The following CSMD1 variants were observed in gnomAD, a reference collection of about 807,000 sequenced individuals.
CSMD1 encodes CUB and sushi domain-containing protein 1.
Under a neutral mutation model 417.5 loss-of-function variants are expected in CSMD1, and 213 were observed. The observed-to-expected ratio is 0.51, with a 90% CI of 0.46 to 0.57. CSMD1 has a LOEUF of 0.57. CSMD1 is among the 20% of genes least tolerant of loss of function. CSMD1 has a pLI of 0.00. For synonymous variants in CSMD1, 2,862 were observed against 1,736.8 expected, an observed-to-expected ratio of 1.65 and a Z score of -16.11; for missense variants, 6,923 against 4,529.7, an observed-to-expected ratio of 1.53 and a Z score of -15.17.
rs1001397145 is a variant in CSMD1, at chr8:4,468,056, G to A, written c.303-47991C>T. On this transcript the variant is annotated intron_variant, in intron 2 of 69. Coordinates refer to ENST00000635120, the MANE Select transcript of CSMD1 (RefSeq NM_033225.6). Reference sequence around the variant, plus strand: ...GGTTACTCAACAGGCCCTGCCTCCTGTCCGTCCCTGTCTTCTGAAATTGAT... The same window carrying A: ...GGTTACTCAACAGGCCCTGCCTCCTATCCGTCCCTGTCTTCTGAAATTGAT... Among the ~76,000 whole-genome samples the A allele has an allele frequency of 8.7e-4, 108 of 124,286 alleles. 1 individual carries two copies. Among genetic ancestry groups the A allele is most frequent in the African/African-American group, 3.9e-3 (107 of 27,688 alleles). 81.5% of individuals were successfully genotyped at this position (124,286 alleles called of 152,430 possible).
chr8:4,282,839 G>A (rs1796861319), intron 3 of CSMD1, among the ~76,000 whole-genome samples: 1 of 152,060 alleles, frequency 6.6e-6, no homozygotes, highest in Non-Finnish European at 1.5e-5. Flanking sequence ...GCATCATTCA[G>A]AATCTGACAA....
intron 5 of CSMD1, among the ~76,000 whole-genome samples, chr8:3,884,248 G>T (rs571045942): frequency 1.3e-5 from 2 of 152,058 alleles, no homozygotes; most frequent in Non-Finnish European, 2.9e-5. Flanking sequence ...GCCTCTAATG[G>T]CAAGTCTAAC....
At chr8:3,910,458 G>C (rs905532435) in intron 5 of CSMD1, among the ~76,000 whole-genome samples, 1 of 152,058 alleles carries the variant, frequency 6.6e-6, no homozygotes, top group African/African-American at 2.4e-5. Context: ...AAGTGTTCAG[G>C]TTTTATTTTG....
chr8:4,805,469 G>A (rs73181505), intron 1 of CSMD1, among the ~76,000 whole-genome samples: 2 of 151,952 alleles, frequency 1.3e-5, no homozygotes, highest in Non-Finnish European at 2.9e-5. Flanking sequence ...AGAAGCCTGC[G>A]TCGAGAAGTC....
chr8:3,223,915 C>T lies in CSMD1; in HGVS notation c.4346-48G>A, dbSNP rs374775437. On this transcript the variant is annotated intron_variant, in intron 27 of 69. Transcript: ENST00000635120. ...GAGAAAAAGTAAGGACAGCGAAGAA[C>T]GCCTGCCAGTCAGTGTGGAAGGAGA... The T allele has an allele frequency of 3.0e-4, 480 of 1,596,534 alleles. 5 individuals are homozygous for T. The South Asian group carries it at 3.9e-3, about 13-fold the overall frequency.
intron 1 of CSMD1, among the ~76,000 whole-genome samples, chr8:4,926,693 G>A (rs1009029889): frequency 6.6e-6 from 1 of 151,614 alleles, no homozygotes; most frequent in Non-Finnish European, 1.5e-5. Flanking sequence ...TTTTTTTTCG[G>A]TCAGTTAATA....
chr8:4,491,564 A>AC (rs139479307), intron 2 of CSMD1, among the ~76,000 whole-genome samples: 17,973 of 152,158 alleles, frequency 0.12, 1,280 homozygotes, highest in East Asian at 0.22. Context: ...GCAATGTTTA[A>AC]AAAAAGTGGG....
intron 1 of CSMD1, among the ~76,000 whole-genome samples, chr8:4,759,485 T>C (rs935606592): frequency 1.2e-4 from 18 of 152,304 alleles, no homozygotes; most frequent in African/African-American, 3.8e-4. Flanking sequence ...GCATGCTGGT[T>C]TGCTGCACCT....
chr8:4,686,968 G>A (rs568277413), intron 1 of CSMD1, among the ~76,000 whole-genome samples: 4 of 152,278 alleles, frequency 2.6e-5, no homozygotes, highest in South Asian at 4.1e-4. Flanking sequence ...AGTCCTGAAC[G>A]GCACACAGGG....
At chr8:3,561,657 T>C (rs529019156) in intron 10 of CSMD1, among the ~76,000 whole-genome samples, 8 of 152,174 alleles carry the variant, frequency 5.3e-5, no homozygotes, top group East Asian at 1.9e-4. Context: ...AGCTTAAGAA[T>C]TGCACATTGG....
chr8:4,966,166 C>T (rs1164910296), intron 1 of CSMD1, among the ~76,000 whole-genome samples: 1 of 145,270 alleles, frequency 6.9e-6, no homozygotes, highest in East Asian at 2.1e-4. Context: ...GAGTTCCAGA[C>T]CAGCTTGGCT....
chr8:2,980,368 T>C (rs1459417189), intron 54 of CSMD1, among the ~76,000 whole-genome samples: 2 of 151,176 alleles, frequency 1.3e-5, no homozygotes, highest in African/African-American at 4.9e-5. Context: ...CTCTGTGTCC[T>C]TTCTTCCTCC....
chr8:4,721,433 A>C (rs1809044909), intron 1 of CSMD1, among the ~76,000 whole-genome samples: 1 of 152,234 alleles, frequency 6.6e-6, no homozygotes, highest in Non-Finnish European at 1.5e-5. Context: ...TCAGATTCTG[A>C]ACAATTTGAA....
intron 3 of CSMD1, among the ~76,000 whole-genome samples, chr8:4,205,053 C>G (rs990960485): frequency 1.3e-5 from 2 of 151,982 alleles, no homozygotes; most frequent in Non-Finnish European, 2.9e-5. Context: ...CTATTTTTTT[C>G]ATAACAATGC....
At chr8:3,503,796 C>G (rs1021379595) in intron 10 of CSMD1, among the ~76,000 whole-genome samples, 2 of 151,966 alleles carry the variant, frequency 1.3e-5, no homozygotes, top group Admixed American at 6.6e-5. Context: ...AGCAGCCCCC[C>G]TCTTTCCTTG....
chr8:3,513,599 T>G (rs966504843), intron 10 of CSMD1, among the ~76,000 whole-genome samples: 1 of 152,180 alleles, frequency 6.6e-6, no homozygotes, highest in African/African-American at 2.4e-5. Context: ...TCCTACGCAA[T>G]GCCCCAGAAA....
chr8:4,567,616 A>G (rs548142559), intron 2 of CSMD1, among the ~76,000 whole-genome samples: 2 of 152,260 alleles, frequency 1.3e-5, no homozygotes, highest in South Asian at 2.1e-4. Context: ...GCTCTGTGCA[A>G]TTATTATGAG....
intron 6 of CSMD1, among the ~76,000 whole-genome samples, chr8:3,723,280 C>T (rs1318494360): frequency 6.6e-6 from 1 of 152,146 alleles, no homozygotes; most frequent in Non-Finnish European, 1.5e-5. Context: ...GAATCCTCCT[C>T]ACACTCAAAA....
At chr8:3,633,980 T>C (rs888167987) in intron 7 of CSMD1, among the ~76,000 whole-genome samples, 2 of 151,716 alleles carry the variant, frequency 1.3e-5, no homozygotes, top group African/African-American at 4.8e-5. Flanking sequence ...AAGATGAATA[T>C]GCATGACCCT....
Sources: allele counts gnomAD v4.1 joint callset (sites outside exome capture counted in the v4.1 genomes callset), GRCh38; gene constraint gnomAD v4.1.1; transcripts MANE v1.5; gene names NCBI Gene and HGNC (gene_info 2026-07-23, HGNC 2026-07-21).